The following TERF1 variants were observed in gnomAD, a reference collection of about 807,000 sequenced individuals.
The protein encoded by TERF1 is telomeric repeat binding factor 1, also known as telomeric repeat-binding factor 1.
In TERF1, 20 loss-of-function variants were observed where a neutral mutation model predicts 55.1. The ratio of observed to expected loss-of-function variants is 0.36; its 90% CI spans 0.26 to 0.53. The LOEUF (loss-of-function observed/expected upper bound fraction) is 0.53, where lower values mean the gene tolerates loss of function less well. Among genes scored for constraint, TERF1 ranks in the 20% least tolerant of loss-of-function variants. TERF1 has a pLI of 0.91. For missense variants in TERF1, 439 were observed against 535.7 expected (o/e 0.82, Z 1.78); for synonymous variants, 168 against 181.2 (o/e 0.93, Z 0.59).
intron 2 of TERF1, 33 bp downstream of exon 2, chr8:73,014,023 A>AT (rs1808386772): frequency 6.7e-7 from 1 of 1,498,546 alleles, no homozygotes. Flanking sequence ...TATTGGAAAT[A>AT]TTTCAATCTG....
intron 9 of TERF1, among the ~76,000 whole-genome samples, chr8:73,042,055 A>G (rs1217527782): frequency 1.3e-5 from 2 of 152,126 alleles, no homozygotes; most frequent in Non-Finnish European, 2.9e-5. Context: ...TCTTTGATGT[A>G]TCTAAGAAGA....
chr8:73,013,653 ACTG>A (rs1448409334), intron 1 of TERF1: 10 of 399,098 alleles, frequency 2.5e-5, no homozygotes, highest in Non-Finnish European at 3.6e-5. Flanking sequence ...GTTAATGTAG[ACTG>A]CTACTTGTGA....
At position 73,032,073 on chromosome 8, in the gene TERF1, C is replaced by T. The variant is rs1809310166; in HGVS notation, c.979C>T (p.Gln327Ter). 1 of 1,611,398 alleles carries T rather than the reference C, an allele frequency of 6.2e-7. No individual in the cohort carries two copies. Among genetic ancestry groups the T allele is most frequent in the African/African-American group, 1.3e-5 (1 of 74,750 alleles). ...SHKNLFLSKL[Q>*]HGTQQQDLNK... The stretch of plus-strand genomic sequence containing the variant: ...CAAGAATCTTTTCTTATCTAAGTTG[C>T]AACATGGAACCCAGCAACAAGACCT... The change falls in exon 8 of 10, where the codon CAA becomes TAA. Residue 327 changes from glutamine (Q) to a stop codon, truncating the protein, a stop_gained. Coordinates refer to ENST00000276603, the MANE Select transcript of TERF1 (RefSeq NM_017489.3). LOFTEE classifies it high-confidence loss of function.
intron 2 of TERF1, among the ~76,000 whole-genome samples, chr8:73,014,963 G>A (rs1038647771): frequency 6.6e-6 from 1 of 152,232 alleles, no homozygotes. Flanking sequence ...CAGAATTCCA[G>A]ACCATGCAGA....
chr8:73,038,945 G>A (rs1415783172), intron 8 of TERF1, 171 bp from the exon 9 acceptor site: 5 of 551,260 alleles, frequency 9.1e-6, no homozygotes, highest in Non-Finnish European at 1.4e-5. Context: ...GATTTCAAAG[G>A]CTGATCTTTG....
intron 1 of TERF1, among the ~76,000 whole-genome samples, chr8:73,013,532 A>C (rs1174738903): frequency 6.6e-6 from 1 of 152,206 alleles, no homozygotes; most frequent in Non-Finnish European, 1.5e-5. Context: ...CACTTAACTG[A>C]AACCTAGATA....
intron 2 of TERF1, among the ~76,000 whole-genome samples, 183 bp downstream of exon 2, chr8:73,014,173 G>A (rs1808396249): frequency 6.6e-6 from 1 of 151,692 alleles, no homozygotes; most frequent in Admixed American, 6.6e-5. Flanking sequence ...TAAAAGAAAT[G>A]TAGTCCCTGT....
chr8:73,016,706 A>G (rs1012327262), intron 2 of TERF1, among the ~76,000 whole-genome samples: 10 of 152,094 alleles, frequency 6.6e-5, no homozygotes, highest in South Asian at 2.1e-4. Flanking sequence ...GGGAGACTTA[A>G]TGTGCCTTTC....
intron 8 of TERF1, among the ~76,000 whole-genome samples, chr8:73,035,402 C>T (rs2129864394): frequency 6.6e-6 from 1 of 151,468 alleles, no homozygotes; most frequent in South Asian, 2.1e-4. Context: ...CTATTTCAGT[C>T]TGTGAATATG....
chr8:73,043,173 A>G (rs577862559), intron 9 of TERF1: 1 of 152,190 alleles, frequency 6.6e-6, no homozygotes, highest in Non-Finnish European at 1.5e-5. Context: ...GAACCTCTAA[A>G]CTTAAAAATT....
intron 9 of TERF1, among the ~76,000 whole-genome samples, chr8:73,045,335 C>T (rs1472847032): frequency 2.6e-5 from 4 of 151,886 alleles, no homozygotes; most frequent in Non-Finnish European, 5.9e-5. Flanking sequence ...TTTCAGCATG[C>T]CAACAGAAGG....
chr8:73,026,892 C>T (rs1809029800), intron 5 of TERF1, 48 bp from the exon 6 acceptor site: 2 of 1,379,828 alleles, frequency 1.4e-6, no homozygotes, highest in African/African-American at 2.9e-5. Flanking sequence ...TTTAAAATGG[C>T]TTAATGCATT....
chr8:73,022,449 A>G (rs1480737740), intron 4 of TERF1, 147 bp downstream of exon 4: 2 of 462,234 alleles, frequency 4.3e-6, no homozygotes, highest in East Asian at 4.0e-5. Context: ...CGCAAGTCAC[A>G]TATGTGATTT....
chr8:73,030,148 CT>C, intron 6 of TERF1, 187 bp from the exon 7 acceptor site: 1 of 396,062 alleles, frequency 2.5e-6, no homozygotes, highest in Admixed American at 4.5e-5. Context: ...GGTTTAATAC[CT>C]CTTATAAGCA....
chr8:73,045,839 A>G (rs1810007390), intron 9 of TERF1, 122 bp from the exon 10 acceptor site: 1 of 694,566 alleles, frequency 1.4e-6, no homozygotes, highest in Non-Finnish European at 2.2e-6. Context: ...AAATGTTTAG[A>G]GAAGTCTTCC....
chr8:73,010,422 G>A (rs1298867453), intron 1 of TERF1: 1 of 152,170 alleles, frequency 6.6e-6, no homozygotes, highest in Non-Finnish European at 1.5e-5. Context: ...CTTAGAGTTG[G>A]AGACATCAGT....
chr8:73,032,001 T>TGGAAGG, intron 7 of TERF1, 41 bp from the exon 8 acceptor site: 1 of 1,408,868 alleles, frequency 7.1e-7, no homozygotes. Context: ...TGCCTTACTA[T>TGGAAGG]CTTTCTGGAG....
intron 8 of TERF1, among the ~76,000 whole-genome samples, chr8:73,037,398 G>T (rs1057076480): frequency 3.6e-5 from 4 of 111,092 alleles, no homozygotes; most frequent in African/African-American, 1.0e-4. Context: ...TAAAATATTT[G>T]GGGGGAAAAT....
At chr8:73,016,875 TG>T (rs1343056806) in intron 2 of TERF1, among the ~76,000 whole-genome samples, 1 of 152,212 alleles carries the variant, frequency 6.6e-6, no homozygotes, top group Admixed American at 6.5e-5. Flanking sequence ...TCTCTCTGGC[TG>T]GAGTGCACTG....
Sources: gnomAD v4.1 joint callset for allele counts (sites outside exome capture counted in the v4.1 genomes callset) on GRCh38, gnomAD v4.1.1 for gene constraint, MANE v1.5 for transcripts, NCBI Gene and HGNC (gene_info 2026-07-23, HGNC 2026-07-21) for gene names.